OR9K2: variants seen among roughly 807,000 people sequenced by gnomAD.
The protein encoded by OR9K2 is olfactory receptor 9K2.
Under a neutral mutation model 12.4 loss-of-function variants are expected in OR9K2, and 16 were observed. The observed-to-expected ratio is 1.29, with a 90% CI of 0.87 to 1.95. The LOEUF (loss-of-function observed/expected upper bound fraction) is 1.95. Among genes scored for constraint, OR9K2 ranks in the 30% most tolerant of loss-of-function variants. The pLI, the probability that OR9K2 is intolerant of heterozygous loss-of-function variation, is 0.00. For missense variants in OR9K2, 434 were observed against 376.5 expected (o/e 1.15, Z -1.26); for synonymous variants, 133 against 133.2 (o/e 1.00, Z 0.01).
chr12:55,130,929 ACAT>A lies in OR9K2; in HGVS notation c.*157_*159del. The A allele has an allele frequency of 3.7e-6, 2 of 546,290 alleles. No homozygotes were observed. Among genetic ancestry groups the A allele is most frequent in the Non-Finnish European group, 6.4e-6 (2 of 313,002 alleles). 33.8% of individuals were successfully genotyped at this position (546,290 alleles called of 1,614,324 possible). A position where few individuals can be genotyped will look rare whatever the true frequency, so the allele number is the denominator to read the frequency against. Reference sequence around the variant, plus strand: ...ATATTTTACTTTTTTACCTCCCAAGACATCATTAATTCTGAAAATCTTGGATAT... The same window carrying A: ...ATATTTTACTTTTTTACCTCCCAAGACATTAATTCTGAAAATCTTGGATAT... On this transcript the variant is annotated 3_prime_UTR_variant, in exon 3 of 3. Transcript: ENST00000641329.
chr12:55,129,788 G>C, intron 2 of OR9K2, 38 bp from the exon 3 acceptor site: 1 of 1,595,630 alleles, frequency 6.3e-7, no homozygotes, highest in Non-Finnish European at 8.5e-7. Context: ...TCCAAACCAA[G>C]AGTTCATTTG....
chr12:55,130,490 T>C lies in OR9K2; in HGVS notation c.656T>C (p.Val219Ala), dbSNP rs754477608. Residue 219 changes from valine to alanine, a missense_variant, in exon 3 of 3, where the codon GTA becomes GCA. Physicochemically the swap from Val to Ala is moderately conservative, Grantham distance 64 (BLOSUM62 0). Transcript: ENST00000641329. ...IILPTIIVII[V>A]SYMYIVSTVL... ...TTGCCTACTATCATAGTCATTATAG[T>C]ATCTTACATGTATATTGTGTCCACA... 3 of 1,613,720 alleles carry C rather than the reference T, an allele frequency of 1.9e-6. No homozygotes were observed. Among genetic ancestry groups the C allele is most frequent in the South Asian group, 2.2e-5 (2 of 91,062 alleles).
chr12:55,130,689 G>C lies in OR9K2; in HGVS notation c.855G>C (p.Met285Ile), dbSNP rs1000960105. The change falls in exon 3 of 3, where the codon ATG becomes ATC. Residue 285 changes from methionine to isoleucine, a missense_variant. By Grantham distance (10) the Met-to-Ile change is conservative. Transcript: ENST00000641329. ...ASLCYSLVTP[M>I]LNPLIYSLRN... ...TATGTTACTCCCTAGTCACTCCCAT[G>C]TTGAATCCTTTGATTTACTCTCTGA... 1.9e-6 allele frequency: 3 copies of C among 1,611,996 alleles called. No individual in the cohort carries two copies. In the African/African-American group the frequency reaches 4.0e-5, roughly 22 times the overall value.
intron 2 of OR9K2, among the ~76,000 whole-genome samples, chr12:55,129,309 C>T (rs1338212750): frequency 2.0e-5 from 3 of 151,932 alleles, no homozygotes; most frequent in Non-Finnish European, 4.4e-5. Context: ...GGTAATTGCA[C>T]TTCTCAAGTA....
chr12:55,128,646 C>T (rs1346161574), intron 2 of OR9K2, among the ~76,000 whole-genome samples: 6 of 152,056 alleles, frequency 3.9e-5, no homozygotes, highest in Non-Finnish European at 1.5e-5. Flanking sequence ...GTGCCATATA[C>T]ATATTTGTTA....
chr12:55,130,521 A>G lies in OR9K2; in HGVS notation c.687A>G (p.Leu229=). ...VSYMYIVSTV[L]KIHSTEGHKK... is the part of the protein sequence containing the mutation. ...ACATGTATATTGTGTCCACAGTTCT[A>G]AAGATACATTCTACTGAGGGACATA... The change falls in exon 3 of 3, where the codon CTA becomes CTG. Residue 229 remains leucine, a synonymous_variant. Coordinates refer to ENST00000641329, the MANE Select transcript of OR9K2 (RefSeq NM_001005243.2). 1.9e-6 allele frequency: 3 copies of G among 1,613,776 alleles called. No homozygotes were observed. The highest frequency in any genetic ancestry group is 2.5e-6 in the Non-Finnish European group (3 of 1,179,768).
chr12:55,128,139 A>C (rs1474767733), intron 2 of OR9K2, among the ~76,000 whole-genome samples: 1 of 151,826 alleles, frequency 6.6e-6, no homozygotes, highest in African/African-American at 2.4e-5. Context: ...TTTACCAGAC[A>C]CATAACGTTA....
chr12:55,127,136 A>G (rs1287883713), intron 2 of OR9K2, among the ~76,000 whole-genome samples: 1 of 151,836 alleles, frequency 6.6e-6, no homozygotes, highest in African/African-American at 2.4e-5. Context: ...ATTATCATTC[A>G]GCTTTTTTCT....
At chr12:55,127,046 T>C (rs1239005409) in intron 2 of OR9K2, 135 bp downstream of exon 2, 1 of 152,100 alleles carries the variant, frequency 6.6e-6, no homozygotes, top group Non-Finnish European at 1.5e-5. Context: ...ACATTTATAA[T>C]GTTACAATGT....
rs758445119 is a variant in OR9K2, at chr12:55,132,485, CAT to C, written c.*1710_*1711del. 2.6e-5 allele frequency: 4 copies of C among 152,214 alleles called. No homozygotes were observed. The highest frequency in any genetic ancestry group is 7.2e-5 in the African/African-American group (3 of 41,462). The allele number at this position is 152,214 out of a possible 1,614,324, so 9.4% of individuals were successfully genotyped here. On this transcript the variant is annotated 3_prime_UTR_variant, in exon 3 of 3. Transcript: ENST00000641329. Reference sequence around the variant, plus strand: ...GGGTGCATGTGCACAGAACATCAGTCATGTGAAGAATCAACAAGAGGGCAGCC... The same window carrying C: ...GGGTGCATGTGCACAGAACATCAGTCGTGAAGAATCAACAAGAGGGCAGCC...
intron 2 of OR9K2, among the ~76,000 whole-genome samples, chr12:55,128,771 T>C (rs990353768): frequency 6.6e-6 from 1 of 152,168 alleles, no homozygotes; most frequent in African/African-American, 2.4e-5. Flanking sequence ...GAGTTAATAA[T>C]GGCTACAAAA....
chr12:55,126,681 T>G (rs1279982874), intron 1 of OR9K2, 147 bp from the exon 2 acceptor site: 1 of 152,144 alleles, frequency 6.6e-6, no homozygotes, highest in Non-Finnish European at 1.5e-5. Flanking sequence ...ATGAGGCACA[T>G]AAGCCACATT....
rs1360183435 is a variant in OR9K2 at position 55,130,957 on chromosome 12, T to C, written c.*181T>C. 35 of 510,442 alleles carry C rather than the reference T, an allele frequency of 6.9e-5. No homozygotes were observed. The highest frequency in any genetic ancestry group is 1.4e-4 in the Admixed American group (4 of 28,174). 31.6% of individuals were successfully genotyped at this position (510,442 alleles called of 1,614,324 possible). A position where few individuals can be genotyped will look rare whatever the true frequency, so the allele number is the denominator to read the frequency against. ...TCATTAATTCTGAAAATCTTGGATA[T>C]TGGAGATATCCTGGACATTAGAGAA... On this transcript the variant is annotated 3_prime_UTR_variant, in exon 3 of 3. Coordinates refer to ENST00000641329, the MANE Select transcript of OR9K2 (RefSeq NM_001005243.2).
chr12:55,127,352 G>A (rs1953435824), intron 2 of OR9K2, among the ~76,000 whole-genome samples: 1 of 151,594 alleles, frequency 6.6e-6, no homozygotes, highest in Non-Finnish European at 1.5e-5. Flanking sequence ...TTTGCTTCTA[G>A]ATGAGAATAA....
At chr12:55,127,663 C>T (rs1191787966) in intron 2 of OR9K2, among the ~76,000 whole-genome samples, 1 of 151,904 alleles carries the variant, frequency 6.6e-6, no homozygotes, top group Non-Finnish European at 1.5e-5. Flanking sequence ...TCTCTCTAAA[C>T]TTTTAACAGA....
At position 55,130,810 on chromosome 12, in the gene OR9K2, T is replaced by C. The variant is rs759840057; in HGVS notation, c.*34T>C. On this transcript the variant is annotated 3_prime_UTR_variant, in exon 3 of 3. Coordinates refer to ENST00000641329, the MANE Select transcript of OR9K2 (RefSeq NM_001005243.2). ...TCTCTTTCACCAATTTTATTGTGGC[T>C]ATTTATTTAATACACCTGTGTTCAT... The C allele has an allele frequency of 1.6e-5, 20 of 1,253,540 alleles. No individual in the cohort carries two copies. Among genetic ancestry groups the C allele is most frequent in the Non-Finnish European group, 1.9e-5 (17 of 893,502 alleles). 77.7% of individuals were successfully genotyped at this position (1,253,540 alleles called of 1,614,324 possible). A position where few individuals can be genotyped will look rare whatever the true frequency, so the allele number is the denominator to read the frequency against.
At chr12:55,129,430 T>G (rs1263290741) in intron 2 of OR9K2, among the ~76,000 whole-genome samples, 1 of 152,110 alleles carries the variant, frequency 6.6e-6, no homozygotes, top group Non-Finnish European at 1.5e-5. Context: ...CAACCCAAAC[T>G]AACTAATGTG....
rs1953428957 is a variant in OR9K2, at chr12:55,126,479, A to C, written c.-131A>C. 6.6e-6 allele frequency: 1 copy of C among 152,154 alleles called. No individual in the cohort carries two copies. The highest frequency in any genetic ancestry group is 1.5e-5 in the Non-Finnish European group (1 of 68,016). 9.4% of individuals were successfully genotyped at this position (152,154 alleles called of 1,614,324 possible). On this transcript the variant is annotated 5_prime_UTR_variant, in exon 1 of 3. Transcript: ENST00000641329. ...CTTGAAAGCATACAAGTTTCTGAGA[A>C]TTCAGGATAGATAATATCTTGTGGA...
chr12:55,127,429 C>T lies in OR9K2; in HGVS notation c.-10+518C>T, dbSNP rs566884196. On this transcript the variant is annotated intron_variant, in intron 2 of 2. Transcript: ENST00000641329. ...TTTCATGCTGACTTCAGTCAGCTTT[C>T]TTTCACTTCTTAAATGTCTCACATC... 6.2e-4 allele frequency among the ~76,000 whole-genome samples: 95 copies of T among 152,028 alleles called. 1 individual carries two copies. In the South Asian group the frequency reaches 9.5e-3, roughly 15 times the overall value.
Sources: allele counts gnomAD v4.1 joint callset (sites outside exome capture counted in the v4.1 genomes callset), GRCh38; gene constraint gnomAD v4.1.1; transcripts MANE v1.5; gene names NCBI Gene and HGNC (gene_info 2026-07-23, HGNC 2026-07-21).